RGS17: variants seen among roughly 807,000 people sequenced by gnomAD.
The protein encoded by RGS17 is regulator of G protein signaling 17, also known as regulator of G-protein signaling 17.
Under a neutral mutation model 25.5 loss-of-function variants are expected in RGS17, and 12 were observed. The observed-to-expected ratio is 0.47, with a 90% CI of 0.30 to 0.76. RGS17 has a LOEUF of 0.76. Among genes scored for constraint, RGS17 ranks in the 30% least tolerant of loss-of-function variants. The probability of loss-of-function intolerance (pLI) is 0.07; values close to 1 mark genes in which losing one functional copy is unlikely to be tolerated. For missense variants in RGS17, 196 were observed against 242.2 expected (o/e 0.81, Z 1.27); for synonymous variants, 71 against 76.9 (o/e 0.92, Z 0.40).
intron 1 of RGS17, among the ~76,000 whole-genome samples, chr6:153,065,212 T>C (rs944348211): frequency 4.6e-5 from 7 of 152,204 alleles, no homozygotes; most frequent in African/African-American, 1.7e-4. Context: ...AAGGTCACTA[T>C]ATAATGATAA....
At chr6:153,061,019 C>T (rs191758473) in intron 1 of RGS17, among the ~76,000 whole-genome samples, 18 of 152,192 alleles carry the variant, frequency 1.2e-4, no homozygotes, top group Admixed American at 3.3e-4. Context: ...TAGGTGAGCA[C>T]TTAGGTTCTC....
At chr6:153,105,654 G>A (rs114368337) in intron 1 of RGS17, among the ~76,000 whole-genome samples, 1,863 of 151,662 alleles carry the variant, frequency 0.012, 48 homozygotes, top group African/African-American at 0.041. Context: ...TCTTCCAAGT[G>A]GATGAAGGCA....
chr6:153,094,338 C>T (rs1447673370), intron 1 of RGS17, among the ~76,000 whole-genome samples: 1 of 152,020 alleles, frequency 6.6e-6, no homozygotes, highest in Non-Finnish European at 1.5e-5. Context: ...TTCAGCCTCC[C>T]GAAGTGCAAG....
At chr6:153,032,651 C>A (rs1277746471) in intron 2 of RGS17, among the ~76,000 whole-genome samples, 3 of 151,382 alleles carry the variant, frequency 2.0e-5, no homozygotes, top group Admixed American at 2.0e-4. Context: ...TAAAAGGAGT[C>A]ATTCAGTTTT....
chr6:153,016,582 T>A (rs997767979), intron 4 of RGS17, among the ~76,000 whole-genome samples: 4 of 152,242 alleles, frequency 2.6e-5, no homozygotes, highest in African/African-American at 9.6e-5. Context: ...CATTGTTTAA[T>A]TTTTAATTTT....
chr6:153,056,743 T>C (rs1776565465), intron 1 of RGS17, among the ~76,000 whole-genome samples: 1 of 152,118 alleles, frequency 6.6e-6, no homozygotes, highest in Non-Finnish European at 1.5e-5. Context: ...CTATAGATTA[T>C]ATTGTCAATC....
intron 1 of RGS17, among the ~76,000 whole-genome samples, chr6:153,072,943 AAT>A (rs34373600): frequency 0.43 from 64,903 of 151,888 alleles, 14,443 homozygotes; most frequent in East Asian, 0.68. Context: ...AAAGTTAAAA[AAT>A]ATATGTCTTA....
chr6:153,009,461 GTGA>G lies in RGS17; in HGVS notation c.*2110_*2112del, dbSNP rs1040511595. 1.9e-4 allele frequency: 29 copies of G among 152,042 alleles called. No individual in the cohort carries two copies. The highest frequency in any genetic ancestry group is 6.5e-4 in the African/African-American group (27 of 41,532). 9.4% of individuals were successfully genotyped at this position (152,042 alleles called of 1,614,324 possible). A position where few individuals can be genotyped will look rare whatever the true frequency, so the allele number is the denominator to read the frequency against. ...GGAACAATAGAACTTCACAATAGAA[GTGA>G]TGATTCTTTTAGGTTTTTCTTTACT... On this transcript the variant is annotated 3_prime_UTR_variant, in exon 5 of 5. Coordinates refer to ENST00000206262, the MANE Select transcript of RGS17 (RefSeq NM_012419.5).
chr6:153,059,252 T>G (rs1776604177), intron 1 of RGS17, among the ~76,000 whole-genome samples: 1 of 152,228 alleles, frequency 6.6e-6, no homozygotes, highest in Non-Finnish European at 1.5e-5. Flanking sequence ...AGCTGCCTCC[T>G]TGTTTTGGCT....
At chr6:153,022,064 C>A (rs1362014131) in intron 4 of RGS17, among the ~76,000 whole-genome samples, 3 of 152,048 alleles carry the variant, frequency 2.0e-5, no homozygotes, top group African/African-American at 7.2e-5. Flanking sequence ...AGTAATTAGC[C>A]CGGCGTGTTG....
chr6:153,030,743 T>C (rs1779353028), intron 2 of RGS17, among the ~76,000 whole-genome samples: 1 of 152,170 alleles, frequency 6.6e-6, no homozygotes. Context: ...TAGCAATACT[T>C]TAGTAATGTG....
At chr6:153,054,878 G>A (rs917350404) in intron 1 of RGS17, among the ~76,000 whole-genome samples, 2 of 152,084 alleles carry the variant, frequency 1.3e-5, no homozygotes, top group East Asian at 3.9e-4. Flanking sequence ...ATTTGGAACA[G>A]ATCACTCCTA....
At chr6:153,062,750 G>A (rs929946857) in intron 1 of RGS17, among the ~76,000 whole-genome samples, 1 of 152,218 alleles carries the variant, frequency 6.6e-6, no homozygotes, top group Admixed American at 6.5e-5. Context: ...CACTTGAGGA[G>A]AGGAGAGGGA....
intron 1 of RGS17, among the ~76,000 whole-genome samples, chr6:153,065,391 T>C (rs186803638): frequency 2.2e-4 from 34 of 152,316 alleles, no homozygotes; most frequent in African/African-American, 7.7e-4. Flanking sequence ...ATTGGATAAG[T>C]CTTCCAGACA....
chr6:153,081,768 G>C (rs9478387), intron 1 of RGS17, among the ~76,000 whole-genome samples: 85,568 of 151,824 alleles, frequency 0.56, 24,284 homozygotes, highest in South Asian at 0.63. Context: ...AACCAATCAA[G>C]AAATATTTAA....
intron 1 of RGS17, among the ~76,000 whole-genome samples, chr6:153,089,608 G>A (rs1394039331): frequency 6.6e-5 from 10 of 151,998 alleles, no homozygotes; most frequent in South Asian, 2.1e-4. Context: ...TGATAAAGAC[G>A]ACTTGGTGAT....
rs965451198 is a variant in RGS17, at chr6:153,043,842, T to C, written c.119+58A>G. 17 of 1,014,650 alleles carry C rather than the reference T, an allele frequency of 1.7e-5. No homozygotes were observed. The East Asian group carries it at 2.8e-4, about 17-fold the overall frequency. The allele number at this position is 1,014,650 out of a possible 1,614,324, so 62.9% of individuals were successfully genotyped here. A position where few individuals can be genotyped will look rare whatever the true frequency, so the allele number is the denominator to read the frequency against. On this transcript the variant is annotated intron_variant, in intron 2 of 4. Coordinates refer to ENST00000206262, the MANE Select transcript of RGS17 (RefSeq NM_012419.5). ...CTACAGTTCTGAGATTTGGCATGCATGTTCACACTAGTGCCTGCCAAGCCT... is the reference window on the plus strand; with the variant it reads ...CTACAGTTCTGAGATTTGGCATGCACGTTCACACTAGTGCCTGCCAAGCCT...
intron 1 of RGS17, among the ~76,000 whole-genome samples, chr6:153,054,018 G>GTA (rs1274549711): frequency 0.052 from 1,111 of 21,334 alleles, 178 homozygotes; most frequent in African/African-American, 0.18. Context: ...ACGTATATAT[G>GTA]TATATAATAT....
Position 153,054,032 on chromosome 6 carries a change from T to C in RGS17, c.-25-9989A>G, listed in dbSNP as rs868028860. 1.8e-3 allele frequency among the ~76,000 whole-genome samples: 77 copies of C among 42,108 alleles called. 7 individuals are homozygous for C. The South Asian group carries it at 0.022, about 12-fold the overall frequency. 27.6% of individuals were successfully genotyped at this position (42,108 alleles called of 152,430 possible). ...TACGTATATATGTATATAATATATA[T>C]ACATATATATGTATATATGTATATA... On this transcript the variant is annotated intron_variant, in intron 1 of 4. Transcript: ENST00000206262.
Sources: gnomAD v4.1 joint callset for allele counts (sites outside exome capture counted in the v4.1 genomes callset) on GRCh38, gnomAD v4.1.1 for gene constraint, MANE v1.5 for transcripts, NCBI Gene and HGNC (gene_info 2026-07-23, HGNC 2026-07-21) for gene names.